ERI2: variants seen among roughly 807,000 people sequenced by gnomAD.
The protein encoded by ERI2 is ERI1 exoribonuclease 2.
In ERI2, 35 loss-of-function variants were observed where a neutral mutation model predicts 46.8. The ratio of observed to expected loss-of-function variants is 0.75; its 90% CI spans 0.57 to 0.99. ERI2 has a LOEUF of 0.99. Among genes scored for constraint, ERI2 ranks in the 50% least tolerant of loss-of-function variants. ERI2 has a pLI of 0.00. For synonymous variants in ERI2, 224 were observed against 271.0 expected, an observed-to-expected ratio of 0.83 and a Z score of 1.70; for missense variants, 695 against 796.2, an observed-to-expected ratio of 0.87 and a Z score of 1.53.
intron 1 of ERI2, among the ~76,000 whole-genome samples, chr16:20,804,509 A>G (rs1004056273): frequency 6.6e-6 from 1 of 152,060 alleles, no homozygotes; most frequent in Non-Finnish European, 1.5e-5. Flanking sequence ...TACAAAAATT[A>G]TAAAACCTAG....
Position 20,799,028 on chromosome 16 carries a change from A to C in ERI2, c.772T>G (p.Leu258Val), listed in dbSNP as rs1748559044. ...KKNFSILARN[L>V]NTIQVEEMSA... ...ATTTCTTCAACTTGAATTGTATTCAAATTTCTGGCCAGAATGCTGAAATTC... is the reference window on the plus strand; with the variant it reads ...ATTTCTTCAACTTGAATTGTATTCACATTTCTGGCCAGAATGCTGAAATTC... The change falls in exon 9 of 9, where the codon TTG becomes GTG. Residue 258 changes from leucine to valine, a missense_variant. Physicochemically the swap from Leu to Val is conservative, Grantham distance 32. Coordinates refer to ENST00000357967, the MANE Select transcript of ERI2 (RefSeq NM_001142725.2). 4.6e-6 allele frequency: 7 copies of C among 1,523,984 alleles called. No homozygotes were observed. The highest frequency in any genetic ancestry group is 5.3e-6 in the Non-Finnish European group (6 of 1,138,796). The allele number at this position is 1,523,984 out of a possible 1,614,324, so 94.4% of individuals were successfully genotyped here.
rs1217954690 is a variant in ERI2 at position 20,798,158 on chromosome 16, G to GT, written c.1641dup (p.Gln548ThrfsTer7). Reference sequence around the variant, plus strand: ...TTTTCTTCATGAATAGTGAAGGGTTGTTTTTTTGCTGGTGGGAAAGCTTGG... The same window carrying GT: ...TTTTCTTCATGAATAGTGAAGGGTTGTTTTTTTTGCTGGTGGGAAAGCTTGG... On this transcript the variant is annotated frameshift_variant, in exon 9 of 9. Coordinates refer to ENST00000357967, the MANE Select transcript of ERI2 (RefSeq NM_001142725.2). LOFTEE classifies it high-confidence loss of function. 2.6e-6 allele frequency: 4 copies of GT among 1,551,394 alleles called. No individual in the cohort carries two copies. The highest frequency in any genetic ancestry group is 3.9e-5 in the Admixed American group (2 of 50,982).
In ERI2 at chr16:20,798,377, C is replaced by T; in HGVS notation, c.1423G>A (p.Val475Met). ...PQKSETSKSIVYKSPHTTIYN... is the reference protein window; with the variant it reads ...PQKSETSKSIMYKSPHTTIYN... ...ATAGTAGTGTGAGGACTCTTGTACA[C>T]AATAGACTTAGAAGTCTCAGATTTT... Residue 475 changes from valine to methionine, a missense_variant, in exon 9 of 9, where the codon GTG becomes ATG. Transcript: ENST00000357967. 1 of 1,551,264 alleles carries T rather than the reference C, an allele frequency of 6.4e-7. No homozygotes were observed. The highest frequency in any genetic ancestry group is 8.7e-7 in the Non-Finnish European group (1 of 1,146,824).
exon 11 of ERI2, chr16:20,780,449 C>T (rs1473580161): frequency 1.6e-6 from 1 of 642,704 alleles, no homozygotes; most frequent in Non-Finnish European, 2.6e-6. Flanking sequence ...TTTAAAAATG[C>T]TTCAATCCTT....
Position 20,799,997 on chromosome 16 carries a change from C to CTAAGA in ERI2, c.602_603insTCTTA (p.Leu201PhefsTer6), listed in dbSNP as rs2080779185. The CTAAGA allele has an allele frequency of 1.9e-6, 3 of 1,606,466 alleles. No individual in the cohort carries two copies. The Admixed American group carries it at 5.0e-5, about 27-fold the overall frequency. ...CTGAGAATTCTATTCCTACTTCCTG[C>CTAAGA]AAGGCACCACTTAGTCCTTTTGGTT... is the stretch of plus-strand genomic sequence containing the variant. On this transcript the variant is annotated frameshift_variant, in exon 7 of 9. Coordinates refer to ENST00000357967, the MANE Select transcript of ERI2 (RefSeq NM_001142725.2). LOFTEE classifies it high-confidence loss of function.
intron 9 of ERI2, chr16:20,789,678 A>C: frequency 2.0e-6 from 1 of 492,556 alleles, no homozygotes; most frequent in South Asian, 3.3e-5. Flanking sequence ...AAGCAACTCT[A>C]TTTTTCTTTT....
At chr16:20,787,139 CT>C (rs2080491408) in intron 10 of ERI2, among the ~76,000 whole-genome samples, 1 of 152,198 alleles carries the variant, frequency 6.6e-6, no homozygotes, top group African/African-American at 2.4e-5. Context: ...GCCAAAGGAA[CT>C]TAACACTAAT....
At chr16:20,792,597 A>G (rs114127628), downstream of ERI2, 1,471 of 985,442 alleles carry the variant, frequency 1.5e-3, 22 homozygotes, top group African/African-American at 0.024. Flanking sequence ...GACTAGGGCA[A>G]AGATGGTGTG....
chr16:20,792,315 C>A (rs772629007), downstream of ERI2: 1 of 1,613,854 alleles, frequency 6.2e-7, no homozygotes, highest in Non-Finnish European at 8.5e-7. Context: ...TGTCAGCAGC[C>A]CAGACCCCAT....
downstream of ERI2, among the ~76,000 whole-genome samples, chr16:20,794,567 C>G (rs1180432053): frequency 2.0e-5 from 3 of 152,176 alleles, no homozygotes; most frequent in Non-Finnish European, 4.4e-5. Flanking sequence ...AGACTTTTCT[C>G]AGAAAAATAC....
At chr16:20,784,853 T>G (rs1236735188) in intron 10 of ERI2, 3 of 901,988 alleles carry the variant, frequency 3.3e-6, no homozygotes, top group South Asian at 3.8e-5. Flanking sequence ...TAAAATGGTT[T>G]GTTTTGTGCT....
chr16:20,789,701 T>TG, intron 9 of ERI2: 1 of 606,436 alleles, frequency 1.6e-6, no homozygotes. Flanking sequence ...TTTTTTTTTT[T>TG]TTGAGATGGA....
chr16:20,797,172 T>A lies in ERI2; in HGVS notation c.*552A>T. ...AAATTCCTCCACATTAGTGTCAATGTTCCTATCATTTCTTAATATAAAAAT... is the reference window on the plus strand; with the variant it reads ...AAATTCCTCCACATTAGTGTCAATGATCCTATCATTTCTTAATATAAAAAT... On this transcript the variant is annotated 3_prime_UTR_variant, in exon 9 of 9. Transcript: ENST00000357967. 1 of 1,301,844 alleles carries A rather than the reference T, an allele frequency of 7.7e-7. No individual in the cohort carries two copies. The highest frequency in any genetic ancestry group is 1.5e-5 in the African/African-American group (1 of 64,804). 80.6% of individuals were successfully genotyped at this position (1,301,844 alleles called of 1,614,324 possible).
rs762517374 is a variant in ERI2, at chr16:20,798,822, A to T, written c.978T>A (p.Ser326Arg). The T allele has an allele frequency of 2.6e-6, 4 of 1,551,476 alleles. No individual in the cohort carries two copies. The South Asian group carries it at 3.6e-5, about 14-fold the overall frequency. ...ACTTAGTATTAAAAAGAGGTAAGGAACTTTTGACATTGTGAAGACTTGCTT... is the reference window on the plus strand; with the variant it reads ...ACTTAGTATTAAAAAGAGGTAAGGATCTTTTGACATTGTGAAGACTTGCTT... ...NIKASLHNVKSSLPLFNTKSS... is the reference protein window; with the variant it reads ...NIKASLHNVKRSLPLFNTKSS... The change falls in exon 9 of 9, where the codon AGT becomes AGA. Residue 326 changes from serine to arginine, a missense_variant. Physicochemically the swap from Ser to Arg is moderately radical, Grantham distance 110. Transcript: ENST00000357967.
chr16:20,781,904 A>G (rs970880577), intron 10 of ERI2: 4 of 735,466 alleles, frequency 5.4e-6, no homozygotes, highest in Middle Eastern at 2.6e-4. Context: ...GGATTTAGCA[A>G]TCTCTCCTCT....
In ERI2 at chr16:20,802,806, C is replaced by A; in HGVS notation, c.293G>T (p.Gly98Val). The change falls in exon 4 of 9, where the codon GGC (glycine) becomes GTC (valine). Residue 98 changes from glycine to valine, a missense_variant. Transcript: ENST00000357967. The part of the protein sequence containing the change: ...ILSEFCMELT[G>V]IKQAQVDEGV... The stretch of plus-strand genomic sequence containing the variant: ...AGATTTGCATCATACCTGCTTTATG[C>A]CTGTCAATTCCATGCAAAATTCTGA... 6.2e-7 allele frequency: 1 copy of A among 1,605,940 alleles called. No individual in the cohort carries two copies. The highest frequency in any genetic ancestry group is 8.5e-7 in the Non-Finnish European group (1 of 1,175,464).
intron 1 of ERI2, among the ~76,000 whole-genome samples, chr16:20,804,219 C>A (rs2080825566): frequency 6.6e-6 from 1 of 152,060 alleles, no homozygotes; most frequent in South Asian, 2.1e-4. Context: ...TGAGTTCCTA[C>A]AATCATTTGA....
At chr16:20,789,685 T>A in intron 9 of ERI2, 9 of 147,716 alleles carry the variant, frequency 6.1e-5, no homozygotes, top group East Asian at 1.8e-4. Context: ...TCTATTTTTC[T>A]TTTTTTTTTT....
intron 10 of ERI2, chr16:20,786,443 G>A: frequency 2.2e-6 from 1 of 450,008 alleles, no homozygotes; most frequent in Non-Finnish European, 3.5e-6. Flanking sequence ...CACTTTGGGA[G>A]GCCAAGGCGG....
Sources: gnomAD v4.1 joint callset for allele counts (sites outside exome capture counted in the v4.1 genomes callset) on GRCh38, gnomAD v4.1.1 for gene constraint, MANE v1.5 for transcripts, NCBI Gene and HGNC (gene_info 2026-07-23, HGNC 2026-07-21) for gene names.